LSM14A: variants seen among roughly 807,000 people sequenced by gnomAD.
The protein encoded by LSM14A is LSM14A mRNA processing body assembly factor, also known as protein LSM14 homolog A.
Under a neutral mutation model 52.4 loss-of-function variants are expected in LSM14A, and 14 were observed. The observed-to-expected ratio is 0.27, with a 90% CI of 0.18 to 0.42. The LOEUF (loss-of-function observed/expected upper bound fraction) is 0.42. LSM14A is among the 10% of genes least tolerant of loss of function. The probability of loss-of-function intolerance (pLI) is 1.00; values close to 1 mark genes in which losing one functional copy is unlikely to be tolerated. For synonymous variants in LSM14A, 185 were observed against 200.3 expected (o/e 0.92, Z 0.64); for missense variants, 417 against 581.8 (o/e 0.72, Z 2.91).
chr19:34,215,480 G>A, intron 5 of LSM14A, 116 bp from the exon 6 acceptor site: 2 of 1,099,736 alleles, frequency 1.8e-6, no homozygotes, highest in Non-Finnish European at 2.7e-6. Flanking sequence ...AGTTTTTTGG[G>A]CATTGCACAG....
chr19:34,208,352 A>G (rs185767362), intron 3 of LSM14A: 1 of 152,364 alleles, frequency 6.6e-6, no homozygotes, highest in East Asian at 1.9e-4. Flanking sequence ...GAAATTTGAT[A>G]TAACCTAGTA....
At chr19:34,202,598 T>G (rs2071383405) in intron 3 of LSM14A, among the ~76,000 whole-genome samples, 1 of 152,086 alleles carries the variant, frequency 6.6e-6, no homozygotes, top group South Asian at 2.1e-4. Context: ...AAAGCTTGAT[T>G]ATATGCATAC....
chr19:34,224,811 A>G (rs1464263492), intron 9 of LSM14A, among the ~76,000 whole-genome samples: 1 of 152,226 alleles, frequency 6.6e-6, no homozygotes, highest in Non-Finnish European at 1.5e-5. Context: ...CAGATATGCC[A>G]GGCACTATGT....
intron 4 of LSM14A, among the ~76,000 whole-genome samples, chr19:34,213,470 C>G (rs2072321942): frequency 6.6e-6 from 1 of 152,164 alleles, no homozygotes; most frequent in Non-Finnish European, 1.5e-5. Context: ...CATCTAGGTA[C>G]ATAATAATGC....
chr19:34,214,019 G>A (rs1351620018), intron 4 of LSM14A, among the ~76,000 whole-genome samples: 1 of 152,082 alleles, frequency 6.6e-6, no homozygotes, highest in African/African-American at 2.4e-5. Context: ...CTGAGCTCAA[G>A]CGATCTGCCC....
At chr19:34,172,891 C>A in intron 1 of LSM14A, 128 bp downstream of exon 1, 1 of 1,127,532 alleles carries the variant, frequency 8.9e-7, no homozygotes, top group Non-Finnish European at 1.2e-6. Flanking sequence ...TCTCGCCTCC[C>A]TTCTCCGGGC....
At chr19:34,203,867 C>A (rs1374673590) in intron 3 of LSM14A, among the ~76,000 whole-genome samples, 2 of 131,750 alleles carry the variant, frequency 1.5e-5, no homozygotes, top group Non-Finnish European at 1.6e-5. Context: ...AGGAATTAAA[C>A]ATTCCAGTTA....
At chr19:34,207,606 A>G (rs2071800070) in intron 3 of LSM14A, among the ~76,000 whole-genome samples, 1 of 149,890 alleles carries the variant, frequency 6.7e-6, no homozygotes, top group Non-Finnish European at 1.5e-5. Flanking sequence ...ATATTGGCTC[A>G]TTGCAACCTC....
At chr19:34,220,170 A>G (rs1390536722) in intron 8 of LSM14A, among the ~76,000 whole-genome samples, 3 of 152,014 alleles carry the variant, frequency 2.0e-5, no homozygotes, top group African/African-American at 4.8e-5. Context: ...GGGTCTCGCT[A>G]TGTTGCCCAG....
chr19:34,197,105 T>G (rs973093270), intron 3 of LSM14A, among the ~76,000 whole-genome samples: 8 of 152,118 alleles, frequency 5.3e-5, no homozygotes, highest in African/African-American at 9.7e-5. Flanking sequence ...GTTTTGTTTT[T>G]TTTAAAGACA....
chr19:34,187,987 C>G (rs1035241934), intron 1 of LSM14A, among the ~76,000 whole-genome samples: 1 of 151,958 alleles, frequency 6.6e-6, no homozygotes, highest in South Asian at 2.1e-4. Context: ...TATTTTAAGA[C>G]TAATAAAATT....
At chr19:34,175,345 C>T (rs2069007526) in intron 1 of LSM14A, among the ~76,000 whole-genome samples, 1 of 152,106 alleles carries the variant, frequency 6.6e-6, no homozygotes, top group Admixed American at 6.6e-5. Context: ...ATTCTCCTGC[C>T]TCAGCCTCCT....
Position 34,172,717 on chromosome 19 carries a change from C to T in LSM14A, c.75C>T (p.Ile25=), listed in dbSNP as rs768051598. The T allele has an allele frequency of 1.7e-5, 27 of 1,581,380 alleles. No individual in the cohort carries two copies. The highest frequency in any genetic ancestry group is 4.2e-5 in the African/African-American group (3 of 71,652). ...ISKAEIRYEG[I]LYTIDTENST... is the part of the protein sequence containing the mutation. ...AGGCGGAGATCCGCTACGAGGGCAT[C>T]CTCTACACCATCGACACCGAAAACT... Residue 25 remains isoleucine (I), a synonymous_variant, in exon 1 of 10, where the codon ATC becomes ATT. Transcript: ENST00000544216.
chr19:34,181,844 G>A (rs1242314289), intron 1 of LSM14A, among the ~76,000 whole-genome samples: 1 of 151,992 alleles, frequency 6.6e-6, no homozygotes, highest in East Asian at 1.9e-4. Context: ...TATATCCATT[G>A]CCTCTTTAAC....
chr19:34,184,460 A>G (rs901055904), intron 1 of LSM14A, among the ~76,000 whole-genome samples: 36 of 152,180 alleles, frequency 2.4e-4, no homozygotes, highest in African/African-American at 8.0e-4. Context: ...CTCTATATCA[A>G]TTATCAATTG....
chr19:34,192,319 G>GTTTTT (rs71165632), intron 1 of LSM14A, among the ~76,000 whole-genome samples: 597 of 53,326 alleles, frequency 0.011, 33 homozygotes, highest in Non-Finnish European at 0.014. Context: ...TCTTTTTGTT[G>GTTTTT]TTTTTTTTTT....
chr19:34,218,644 T>C (rs1010274445), intron 6 of LSM14A, among the ~76,000 whole-genome samples: 1 of 152,264 alleles, frequency 6.6e-6, no homozygotes, highest in African/African-American at 2.4e-5. Context: ...TTCTTGTTAG[T>C]CATTTTTCTT....
intron 3 of LSM14A, among the ~76,000 whole-genome samples, chr19:34,201,272 A>AG (rs2071265823): frequency 2.6e-5 from 4 of 152,212 alleles, no homozygotes; most frequent in African/African-American, 7.2e-5. Flanking sequence ...GTTAGAAGTT[A>AG]CCAAATGAGG....
chr19:34,190,509 T>C (rs1341157028), intron 1 of LSM14A, among the ~76,000 whole-genome samples: 2 of 151,976 alleles, frequency 1.3e-5, no homozygotes, highest in Non-Finnish European at 2.9e-5. Context: ...ATAAAAAATT[T>C]TAAAGCCTTC....
Sources: gnomAD v4.1 joint callset for allele counts (sites outside exome capture counted in the v4.1 genomes callset) on GRCh38, gnomAD v4.1.1 for gene constraint, MANE v1.5 for transcripts, NCBI Gene and HGNC (gene_info 2026-07-23, HGNC 2026-07-21) for gene names.